LOXL4: variants seen among roughly 807,000 people sequenced by gnomAD.
LOXL4 encodes lysyl oxidase like 4, also known as lysyl oxidase homolog 4.
Under a neutral mutation model 89.1 loss-of-function variants are expected in LOXL4, and 72 were observed. The ratio of observed to expected loss-of-function variants is 0.81; its 90% CI spans 0.67 to 0.98. The LOEUF is 0.98. Ranked by LOEUF, LOXL4 falls within the 50% of genes least tolerant of loss-of-function variation. The pLI is 0.00. For missense variants in LOXL4, 984 were observed against 1,017.5 expected (o/e 0.97, Z 0.45); for synonymous variants, 355 against 392.1 (o/e 0.91, Z 1.12).
chr10:98,253,507 T>C, intron 11 of LOXL4, 46 bp downstream of exon 11: 1 of 1,612,114 alleles, frequency 6.2e-7, no homozygotes, highest in Non-Finnish European at 8.5e-7. Context: ...TGGACCCTGC[T>C]TTTTGTTCCT....
intron 5 of LOXL4, 73 bp from the exon 6 acceptor site, chr10:98,259,301 A>G (rs1858473994): frequency 1.3e-6 from 2 of 1,571,680 alleles, no homozygotes; most frequent in South Asian, 2.2e-5. Context: ...AGGCCAAGGT[A>G]GAAAGGAGGG....
At chr10:98,263,159 A>C in intron 1 of LOXL4, 108 bp from the exon 2 acceptor site, 5 of 562,536 alleles carry the variant, frequency 8.9e-6, no homozygotes, top group Non-Finnish European at 1.4e-5. Flanking sequence ...ACCCCCCTCA[A>C]ATGTGTGTGT....
At position 98,258,151 on chromosome 10, in the gene LOXL4, C is replaced by A. The variant is rs750133368; in HGVS notation, c.935G>T (p.Arg312Leu). The A allele has an allele frequency of 1.9e-6, 3 of 1,611,602 alleles. No homozygotes were observed. The African/African-American group carries it at 4.0e-5, about 22-fold the overall frequency. ...KGSWAEEPRV[R>L]LRSGAQVGEG... Reference sequence around the variant, plus strand: ...GCCCACCTGGGCCCCGGAGCGCAGGCGCACCCTCGGCTCCTGCTGGGAGAA... The same window carrying A: ...GCCCACCTGGGCCCCGGAGCGCAGGAGCACCCTCGGCTCCTGCTGGGAGAA... Residue 312 changes from arginine to leucine, a missense_variant, in exon 7 of 15, where the codon CGC becomes CTC. Transcript: ENST00000260702.
chr10:98,263,176 A>ACG (rs1858597329), intron 1 of LOXL4, 125 bp from the exon 2 acceptor site: 4 of 447,720 alleles, frequency 8.9e-6, no homozygotes, highest in Non-Finnish European at 1.2e-5. Context: ...GTGTGTGTGC[A>ACG]CGCGCACACA....
At chr10:98,260,276 G>A (rs977779308) in intron 4 of LOXL4, among the ~76,000 whole-genome samples, 27 of 152,294 alleles carry the variant, frequency 1.8e-4, no homozygotes, top group Admixed American at 1.2e-3. Context: ...GGAGGGAAGC[G>A]TTGGGATATT....
At position 98,255,610 on chromosome 10, in the gene LOXL4, C is replaced by T. The variant is rs932009566; in HGVS notation, c.1558G>A (p.Gly520Arg). Residue 520 changes from glycine to arginine, a missense_variant, in exon 10 of 15, where the codon GGG becomes AGG. Coordinates refer to ENST00000260702, the MANE Select transcript of LOXL4 (RefSeq NM_032211.7). ...CAGGAGACTCCAGCCAGGAAGCGCC[C>T]GCCACCGTGGGAGCAGTGCACCGGC... ...HGPVHCSHGG[G>R]RFLAGVSCMD... 21 of 1,611,288 alleles carry T rather than the reference C, an allele frequency of 1.3e-5. No individual in the cohort carries two copies. Among genetic ancestry groups the T allele is most frequent in the South Asian group, 7.7e-5 (7 of 91,010 alleles).
chr10:98,259,199 A>C lies in LOXL4; in HGVS notation c.731T>G (p.Phe244Cys), dbSNP rs776118785. 6.2e-7 allele frequency: 1 copy of C among 1,611,588 alleles called. No homozygotes were observed. The highest frequency in any genetic ancestry group is 8.5e-7 in the Non-Finnish European group (1 of 1,179,454). The change falls in exon 6 of 15, where the codon TTC (phenylalanine) becomes TGC (cysteine). Residue 244 changes from phenylalanine to cysteine, a missense_variant. Phe to Cys is a radical substitution (Grantham distance 205). Coordinates refer to ENST00000260702, the MANE Select transcript of LOXL4 (RefSeq NM_032211.7). Reference sequence around the variant, plus strand: ...CAGGCAGGTGACCTGGTGGATCCAGAAGGAGTTCTTATTCGTCAGGCTCTT... The same window carrying C: ...CAGGCAGGTGACCTGGTGGATCCAGCAGGAGTTCTTATTCGTCAGGCTCTT... ...RLKSLTNKNSFWIHQVTCLGT... is the reference protein window; with the variant it reads ...RLKSLTNKNSCWIHQVTCLGT...
In LOXL4 at chr10:98,257,023, G is replaced by T. The variant is rs921742694; in HGVS notation, c.1261-76C>A. 4 of 1,501,846 alleles carry T rather than the reference G, an allele frequency of 2.7e-6. No individual in the cohort carries two copies. The African/African-American group carries it at 4.2e-5, about 16-fold the overall frequency. The allele number at this position is 1,501,846 out of a possible 1,614,324, so 93.0% of individuals were successfully genotyped here. ...CTCAGGGCTGCGAGCCTGGAGGTCT[G>T]CCCAAGCCAGCTCACTGTGTCACCC... On this transcript the variant is annotated intron_variant, in intron 8 of 14. Coordinates refer to ENST00000260702, the MANE Select transcript of LOXL4 (RefSeq NM_032211.7).
intron 2 of LOXL4, 24 bp downstream of exon 2, chr10:98,262,719 C>T: frequency 6.2e-7 from 1 of 1,602,240 alleles, no homozygotes; most frequent in Non-Finnish European, 8.5e-7. Context: ...CTTGCCATCC[C>T]ACTAGGTGGC....
At chr10:98,257,420 G>C (rs1242926431) in intron 8 of LOXL4, among the ~76,000 whole-genome samples, 1 of 152,216 alleles carries the variant, frequency 6.6e-6, no homozygotes, top group East Asian at 1.9e-4. Flanking sequence ...GCTTCACAGG[G>C]GACCCGAGAC....
In LOXL4 at chr10:98,248,514, A is replaced by T. The variant is rs1016146454; in HGVS notation, c.*407T>A. 6.1e-6 allele frequency: 1 copy of T among 163,754 alleles called. No homozygotes were observed. The allele number at this position is 163,754 out of a possible 1,614,324, so 10.1% of individuals were successfully genotyped here. On this transcript the variant is annotated 3_prime_UTR_variant, in exon 15 of 15. Coordinates refer to ENST00000260702, the MANE Select transcript of LOXL4 (RefSeq NM_032211.7). The stretch of plus-strand genomic sequence containing the variant: ...AGAGAGCTAACACTACCTGCTGTGT[A>T]TTTTGGTCCTCTGTCCTATACTCCT...
Position 98,262,078 on chromosome 10 carries a change from C to T in LOXL4, c.413G>A (p.Arg138His), listed in dbSNP as rs772518048. Residue 138 changes from arginine (R) to histidine (H), a missense_variant, in exon 3 of 15, where the codon CGT becomes CAT. Coordinates refer to ENST00000260702, the MANE Select transcript of LOXL4 (RefSeq NM_032211.7). ...GGAGACAGTTTCAGAAAGGTAGCCACGATGGCGCCGGGGGTGGCATATCAC... is the reference window on the plus strand; with the variant it reads ...GGAGACAGTTTCAGAAAGGTAGCCATGATGGCGCCGGGGGTGGCATATCAC... ...VGVICHPRRH[R>H]GYLSETVSNA... 1.1e-5 allele frequency: 18 copies of T among 1,612,106 alleles called. No homozygotes were observed. Among genetic ancestry groups the T allele is most frequent in the African/African-American group, 8.0e-5 (6 of 74,974 alleles).
intron 1 of LOXL4, among the ~76,000 whole-genome samples, chr10:98,264,560 G>A (rs1338353848): frequency 6.6e-6 from 1 of 151,800 alleles, no homozygotes; most frequent in African/African-American, 2.4e-5. Context: ...AAACAGAGAG[G>A]GCCCCTGTCT....
rs376466181 is a variant in LOXL4, at chr10:98,253,591, C to G, written c.1797G>C (p.Lys599Asn). The change falls in exon 11 of 15, where the codon AAG (lysine) becomes AAC (asparagine). Residue 599 changes from lysine (K) to asparagine (N), a missense_variant. By Grantham distance (94) the Lys-to-Asn change is moderately conservative (BLOSUM62 0). Transcript: ENST00000260702. ...GCCAAACCCAGCTATCGCGTCCAGT[C>G]TTTGGACGAAAGTCAGTCCGGCCCA... is the stretch of plus-strand genomic sequence containing the variant. ...YNLGRTDFRPKTGRDSWVWHQ... is the reference protein window; with the variant it reads ...YNLGRTDFRPNTGRDSWVWHQ... 3 of 1,614,272 alleles carry G rather than the reference C, an allele frequency of 1.9e-6. No individual in the cohort carries two copies. Among genetic ancestry groups the G allele is most frequent in the Non-Finnish European group, 2.5e-6 (3 of 1,180,056 alleles).
intron 12 of LOXL4, chr10:98,251,932 A>C: frequency 1.8e-6 from 1 of 562,752 alleles, no homozygotes; most frequent in Non-Finnish European, 3.1e-6. Flanking sequence ...TGGTTGGGAG[A>C]TTCCAACGCT....
intron 11 of LOXL4, among the ~76,000 whole-genome samples, chr10:98,252,766 G>C (rs1858235126): frequency 6.6e-6 from 1 of 152,174 alleles, no homozygotes; most frequent in African/African-American, 2.4e-5. Flanking sequence ...GGCCTGAACT[G>C]GGGGGAGAGG....
intron 6 of LOXL4, among the ~76,000 whole-genome samples, chr10:98,258,782 G>A (rs960995187): frequency 2.0e-5 from 3 of 152,252 alleles, no homozygotes; most frequent in Admixed American, 2.0e-4. Context: ...CTGTTTTTAC[G>A]GTCACCTTCT....
intron 10 of LOXL4, among the ~76,000 whole-genome samples, 161 bp from the exon 11 acceptor site, chr10:98,253,957 A>T (rs1479045463): frequency 3.3e-5 from 5 of 152,116 alleles, no homozygotes; most frequent in Non-Finnish European, 7.4e-5. Context: ...TTCTAATAAC[A>T]TTTAAAGGAA....
At position 98,257,988 on chromosome 10, in the gene LOXL4, C is replaced by T; in HGVS notation, c.1098G>A (p.Leu366=). 6.2e-7 allele frequency: 1 copy of T among 1,613,754 alleles called. No individual in the cohort carries two copies. The highest frequency in any genetic ancestry group is 8.5e-7 in the Non-Finnish European group (1 of 1,179,928). Residue 366 remains leucine, a synonymous_variant, in exon 7 of 15, where the codon CTG becomes CTA. Transcript: ENST00000260702. ...CCAGGCTGTCTCACTCACCTTGGCC[C>T]AGCCGGGCCCCAAAGAGGGCCTCCC... ...SAREALFGAR[L]GQGLGPIHLS...
Sources: allele counts gnomAD v4.1 joint callset (sites outside exome capture counted in the v4.1 genomes callset), GRCh38; gene constraint gnomAD v4.1.1; transcripts MANE v1.5; gene names NCBI Gene and HGNC (gene_info 2026-07-23, HGNC 2026-07-21).